THSD7B: variants seen among roughly 807,000 people sequenced by gnomAD.
The protein encoded by THSD7B is thrombospondin type-1 domain-containing protein 7B.
Under a neutral mutation model 213.6 loss-of-function variants are expected in THSD7B, and 138 were observed. That is an observed-to-expected ratio of 0.65 (90% CI 0.56 to 0.74). THSD7B has a LOEUF of 0.74. THSD7B is among the 30% of genes least tolerant of loss of function. The pLI, the probability that THSD7B is intolerant of heterozygous loss-of-function variation, is 0.00. For missense variants in THSD7B, 1,931 were observed against 1,991.5 expected (o/e 0.97, Z 0.58); for synonymous variants, 742 against 687.0 (o/e 1.08, Z -1.25).
chr2:137,530,959 G>C (rs1460340794), intron 15 of THSD7B, among the ~76,000 whole-genome samples: 3 of 151,980 alleles, frequency 2.0e-5, no homozygotes, highest in Non-Finnish European at 4.4e-5. Flanking sequence ...ACATTGATCA[G>C]TTCTCGAATA....
chr2:136,824,311 A>G (rs1166458228), intron 1 of THSD7B, among the ~76,000 whole-genome samples: 1 of 152,060 alleles, frequency 6.6e-6, no homozygotes, highest in Non-Finnish European at 1.5e-5. Flanking sequence ...CTAAGTGCTT[A>G]TATATAAGTA....
intron 15 of THSD7B, among the ~76,000 whole-genome samples, chr2:137,500,393 G>A (rs1044377458): frequency 3.3e-5 from 5 of 152,118 alleles, no homozygotes; most frequent in South Asian, 2.1e-4. Flanking sequence ...TTAGACATGC[G>A]TAGTCAGGCT....
chr2:137,218,900 G>A (rs1467652122), intron 7 of THSD7B, among the ~76,000 whole-genome samples: 2 of 151,820 alleles, frequency 1.3e-5, no homozygotes, highest in Non-Finnish European at 2.9e-5. Context: ...AACTTCTGAT[G>A]AGTGAGAAAC....
At chr2:137,375,228 C>G (rs912971656) in intron 12 of THSD7B, among the ~76,000 whole-genome samples, 4 of 151,982 alleles carry the variant, frequency 2.6e-5, no homozygotes, top group Admixed American at 6.6e-5. Flanking sequence ...GAAGTTATAA[C>G]TCGTGAGACA....
At chr2:136,864,777 C>T (rs1649569) in intron 1 of THSD7B, among the ~76,000 whole-genome samples, 69,444 of 152,026 alleles carry the variant, frequency 0.46, 16,419 homozygotes, top group Middle Eastern at 0.73. Context: ...TGGTCTTGAT[C>T]TCCTGACCTC....
At chr2:137,448,381 T>G (rs1382413266) in intron 14 of THSD7B, among the ~76,000 whole-genome samples, 1 of 152,042 alleles carries the variant, frequency 6.6e-6, no homozygotes, top group Non-Finnish European at 1.5e-5. Flanking sequence ...AATAACTCAT[T>G]TTTGCACGAG....
intron 10 of THSD7B, among the ~76,000 whole-genome samples, chr2:137,264,817 T>A (rs1461750905): frequency 6.6e-6 from 1 of 151,528 alleles, no homozygotes; most frequent in Non-Finnish European, 1.5e-5. Context: ...TTTTTAAATT[T>A]TTTTTATTTT....
chr2:137,462,989 A>G (rs1255923301), intron 15 of THSD7B, among the ~76,000 whole-genome samples: 1 of 152,150 alleles, frequency 6.6e-6, no homozygotes, highest in East Asian at 1.9e-4. Context: ...ATGCATAGTA[A>G]TACAGGGTTT....
At chr2:137,401,153 A>C (rs910155199) in intron 12 of THSD7B, among the ~76,000 whole-genome samples, 3 of 152,184 alleles carry the variant, frequency 2.0e-5, no homozygotes, top group Non-Finnish European at 2.9e-5. Context: ...TATATCTTTA[A>C]TATTGGCCCC....
At position 137,428,800 on chromosome 2, in the gene THSD7B, C is replaced by T. The variant is rs924450183; in HGVS notation, c.2959+16928C>T. Among the ~76,000 whole-genome samples the T allele has an allele frequency of 3.9e-5, 6 of 152,230 alleles. No homozygotes were observed. In the East Asian group the frequency reaches 1.2e-3, roughly 29 times the overall value. ...AAAATTTATATATTGAAACTTAATT[C>T]CCAATATAATAGTACATGAGTAGGA... On this transcript the variant is annotated intron_variant, in intron 14 of 27. Coordinates refer to ENST00000409968, the MANE Select transcript of THSD7B (RefSeq NM_001316349.2).
chr2:137,639,101 A>C (rs1682889225), intron 20 of THSD7B, among the ~76,000 whole-genome samples: 1 of 148,344 alleles, frequency 6.7e-6, no homozygotes, highest in African/African-American at 2.4e-5. Context: ...GACCAAGGGG[A>C]AAATGTCTCC....
chr2:137,040,911 G>C lies in THSD7B; in HGVS notation c.140-15509G>C, dbSNP rs181806369. 5.4e-4 allele frequency among the ~76,000 whole-genome samples: 82 copies of C among 152,292 alleles called. 1 individual carries two copies. The highest frequency in any genetic ancestry group is 2.0e-3 in the African/African-American group (82 of 41,562). On this transcript the variant is annotated intron_variant, in intron 2 of 27. Transcript: ENST00000409968. ...TAAGCTTTGATAATGTGTTTCATCA[G>C]GACAGGAATTATGAGGTACTCAAAC... is the stretch of plus-strand genomic sequence containing the variant.
intron 2 of THSD7B, among the ~76,000 whole-genome samples, chr2:137,051,393 GA>G (rs1687067873): frequency 6.6e-6 from 1 of 152,146 alleles, no homozygotes; most frequent in Non-Finnish European, 1.5e-5. Flanking sequence ...TTTAGAAAGT[GA>G]ACTTTCTTAA....
intron 14 of THSD7B, among the ~76,000 whole-genome samples, chr2:137,433,108 A>G: frequency 6.6e-6 from 1 of 152,210 alleles, no homozygotes; most frequent in Admixed American, 6.5e-5. Flanking sequence ...AAGAAAGTAT[A>G]TACACAGAAT....
intron 2 of THSD7B, among the ~76,000 whole-genome samples, chr2:136,899,938 C>T (rs1684036821): frequency 6.6e-6 from 1 of 152,156 alleles, no homozygotes; most frequent in Non-Finnish European, 1.5e-5. Context: ...CATGAAAAAT[C>T]ACTTTTCAAA....
At chr2:136,915,081 G>T (rs1017795019) in intron 2 of THSD7B, among the ~76,000 whole-genome samples, 10 of 152,112 alleles carry the variant, frequency 6.6e-5, no homozygotes, top group Non-Finnish European at 1.2e-4. Flanking sequence ...ATGGGAGTTG[G>T]ACTGTTTGGG....
chr2:136,815,594 C>T (rs1215167789), intron 1 of THSD7B, among the ~76,000 whole-genome samples: 2 of 152,060 alleles, frequency 1.3e-5, no homozygotes, highest in African/African-American at 4.8e-5. Context: ...GAACATTAAA[C>T]CCATGGTTTC....
intron 12 of THSD7B, among the ~76,000 whole-genome samples, chr2:137,404,065 TAAATA>T (rs1370596075): frequency 6.6e-6 from 1 of 152,092 alleles, no homozygotes; most frequent in African/African-American, 2.4e-5. Flanking sequence ...TATTCATTCA[TAAATA>T]AAATAAAACA....
At chr2:136,770,078 C>T (rs1681477563) in intron 1 of THSD7B, among the ~76,000 whole-genome samples, 1 of 152,166 alleles carries the variant, frequency 6.6e-6, no homozygotes, top group African/African-American at 2.4e-5. Flanking sequence ...GATTTGTGTC[C>T]TAGTGTTATG....
Sources: allele counts gnomAD v4.1 joint callset (sites outside exome capture counted in the v4.1 genomes callset), GRCh38; gene constraint gnomAD v4.1.1; transcripts MANE v1.5; gene names NCBI Gene and HGNC (gene_info 2026-07-23, HGNC 2026-07-21).